The following TRPS1 variants were observed in gnomAD, a reference collection of about 807,000 sequenced individuals.
TRPS1 encodes transcriptional repressor GATA binding 1.
In TRPS1, 6 loss-of-function variants were observed where a neutral mutation model predicts 101.2. The observed-to-expected ratio is 0.06, with a 90% CI of 0.03 to 0.12. The LOEUF is 0.12. Ranked by LOEUF, TRPS1 falls within the 10% of genes least tolerant of loss-of-function variation. The pLI, the probability that TRPS1 is intolerant of heterozygous loss-of-function variation, is 1.00. For missense variants in TRPS1, 1,363 were observed against 1,567.0 expected (o/e 0.87, Z 2.20); for synonymous variants, 578 against 589.8 (o/e 0.98, Z 0.29).
intron 5 of TRPS1, among the ~76,000 whole-genome samples, chr8:115,573,054 G>T (rs1817242469): frequency 6.6e-6 from 1 of 151,982 alleles, no homozygotes; most frequent in South Asian, 2.1e-4. Context: ...AACCCAGGAG[G>T]TGGAGGTTGT....
intron 5 of TRPS1, among the ~76,000 whole-genome samples, chr8:115,564,087 T>G (rs1817010531): frequency 6.6e-6 from 1 of 152,112 alleles, no homozygotes. Context: ...AGTTATGAAC[T>G]GAGCCTGCCA....
At chr8:115,627,282 T>C (rs967246292) in intron 1 of TRPS1, among the ~76,000 whole-genome samples, 3 of 151,820 alleles carry the variant, frequency 2.0e-5, no homozygotes, top group East Asian at 1.9e-4. Flanking sequence ...TGTTACCATT[T>C]GTTTCCCTGC....
At chr8:115,600,715 A>T (rs1224223048) in intron 4 of TRPS1, among the ~76,000 whole-genome samples, 1 of 151,908 alleles carries the variant, frequency 6.6e-6, no homozygotes, top group Non-Finnish European at 1.5e-5. Context: ...GCATTACAAA[A>T]TATGTTTTAT....
intron 4 of TRPS1, among the ~76,000 whole-genome samples, chr8:115,589,646 T>G (rs1817638654): frequency 6.6e-6 from 1 of 152,076 alleles, no homozygotes; most frequent in Non-Finnish European, 1.5e-5. Flanking sequence ...TTCCCTCAAG[T>G]GGAAACAGCC....
intron 5 of TRPS1, among the ~76,000 whole-genome samples, chr8:115,524,031 G>C (rs1464630282): frequency 6.6e-6 from 1 of 152,120 alleles, no homozygotes; most frequent in Non-Finnish European, 1.5e-5. Context: ...CCAGAGTCCA[G>C]AAAATTGTTT....
intron 5 of TRPS1, among the ~76,000 whole-genome samples, chr8:115,482,800 C>T (rs967954194): frequency 1.3e-5 from 2 of 152,174 alleles, no homozygotes; most frequent in African/African-American, 4.8e-5. Flanking sequence ...TAATGAGGAT[C>T]CATATCCTGT....
intron 5 of TRPS1, among the ~76,000 whole-genome samples, chr8:115,436,225 T>C (rs1418379591): frequency 6.6e-6 from 1 of 152,208 alleles, no homozygotes; most frequent in East Asian, 1.9e-4. Flanking sequence ...ACTCTGACTT[T>C]AGGCATATTT....
chr8:115,536,799 T>G lies in TRPS1; in HGVS notation c.2700+50202A>C, dbSNP rs200554210. On this transcript the variant is annotated intron_variant, in intron 5 of 6. Transcript: ENST00000395715. ...AAATATAGCTGAAGTTTTTTTTTTGTTTTTTTTTTCCCTCTTAGTGGTGAG... is the reference window on the plus strand; with the variant it reads ...AAATATAGCTGAAGTTTTTTTTTTGGTTTTTTTTTCCCTCTTAGTGGTGAG... Among the ~76,000 whole-genome samples, 10 of 147,500 alleles carry G rather than the reference T, an allele frequency of 6.8e-5. No homozygotes were observed. The East Asian group carries it at 7.9e-4, about 12-fold the overall frequency.
At chr8:115,534,644 C>T (rs1816237078) in intron 5 of TRPS1, among the ~76,000 whole-genome samples, 1 of 152,194 alleles carries the variant, frequency 6.6e-6, no homozygotes, top group African/African-American at 2.4e-5. Context: ...GACAACTCCC[C>T]AAAACTCATT....
chr8:115,668,519 G>A (rs1289172109), intron 1 of TRPS1, 26 bp downstream of exon 1: 1 of 138,134 alleles, frequency 7.2e-6, no homozygotes, highest in Non-Finnish European at 1.6e-5. Flanking sequence ...CCGGCCCCGC[G>A]GCCCGCTCGG....
At chr8:115,484,882 T>C (rs1346985038) in intron 5 of TRPS1, among the ~76,000 whole-genome samples, 1 of 152,176 alleles carries the variant, frequency 6.6e-6, no homozygotes, top group Non-Finnish European at 1.5e-5. Context: ...TCCTGAGGCA[T>C]TAGCTCTAAA....
chr8:115,520,436 A>G (rs1391547412), intron 5 of TRPS1, among the ~76,000 whole-genome samples: 4 of 151,806 alleles, frequency 2.6e-5, no homozygotes, highest in Non-Finnish European at 5.9e-5. Flanking sequence ...CTGTTGGGAG[A>G]TGAACTAGAT....
At chr8:115,432,709 C>G (rs1337858264) in intron 5 of TRPS1, among the ~76,000 whole-genome samples, 1 of 151,586 alleles carries the variant, frequency 6.6e-6, no homozygotes, top group Admixed American at 6.6e-5. Flanking sequence ...CAATCTAGTG[C>G]AGGATAAAAA....
rs201732428 is a variant in TRPS1, at chr8:115,455,841, G to A, written c.2701-37389C>T. ...GCTCTGTCGCCCAGGCTGGAGTGCA[G>A]TGGTGTGATCTCAGCTCACTGCAAG... On this transcript the variant is annotated intron_variant, in intron 5 of 6. Coordinates refer to ENST00000395715, the MANE Select transcript of TRPS1 (RefSeq NM_014112.5). Among the ~76,000 whole-genome samples the A allele has an allele frequency of 1.7e-4, 25 of 145,360 alleles. 1 individual carries two copies. The highest frequency in any genetic ancestry group is 1.5e-3 in the Admixed American group (21 of 14,352).
intron 5 of TRPS1, among the ~76,000 whole-genome samples, chr8:115,511,904 T>C (rs952062130): frequency 6.6e-6 from 1 of 151,838 alleles, no homozygotes; most frequent in Admixed American, 6.6e-5. Context: ...TGTATGAACA[T>C]ACAGCTAAAT....
intron 4 of TRPS1, among the ~76,000 whole-genome samples, chr8:115,590,054 T>C (rs575262122): frequency 6.6e-6 from 1 of 151,490 alleles, no homozygotes; most frequent in Admixed American, 6.6e-5. Context: ...GAGGCGGAGG[T>C]TGCAGTGAGC....
At chr8:115,534,632 G>A (rs1486052174) in intron 5 of TRPS1, among the ~76,000 whole-genome samples, 1 of 152,194 alleles carries the variant, frequency 6.6e-6, no homozygotes, top group Non-Finnish European at 1.5e-5. Context: ...AAAGACAAAA[G>A]AGACAACTCC....
intron 5 of TRPS1, among the ~76,000 whole-genome samples, chr8:115,475,557 A>G (rs1814583941): frequency 6.6e-6 from 1 of 152,004 alleles, no homozygotes; most frequent in African/African-American, 2.4e-5. Context: ...ATTTTTTTAA[A>G]GAAATGTTAA....
chr8:115,463,039 C>CTGTA (rs1814226834), intron 5 of TRPS1, among the ~76,000 whole-genome samples: 1 of 152,200 alleles, frequency 6.6e-6, no homozygotes, highest in Non-Finnish European at 1.5e-5. Flanking sequence ...GCTGCTCCTT[C>CTGTA]TGTATGTTGC....
Sources: allele counts gnomAD v4.1 joint callset (sites outside exome capture counted in the v4.1 genomes callset), GRCh38; gene constraint gnomAD v4.1.1; transcripts MANE v1.5; gene names NCBI Gene and HGNC (gene_info 2026-07-23, HGNC 2026-07-21).